The following SALL2 variants were observed in gnomAD, a reference collection of about 807,000 sequenced individuals.
SALL2 encodes sal-like protein 2.
A neutral mutation model predicts 58.5 loss-of-function variants in SALL2; 32 were observed. That is an observed-to-expected ratio of 0.55 (90% CI 0.41 to 0.74). The LOEUF is 0.74. SALL2 is among the 30% of genes least tolerant of loss of function. SALL2 has a pLI of 0.00. For synonymous variants in SALL2, 516 were observed against 513.6 expected (o/e 1.00, Z -0.06); for missense variants, 1,201 against 1,268.9 (o/e 0.95, Z 0.81).
In SALL2 at chr14:21,522,049, G is replaced by A. The variant is rs1235352452; in HGVS notation, c.*655C>T. ...ATGGGCTTCTCAGGCACTGCCTTGG[G>A]TGCAGGAGGCTGAAATAGGAGGGGG... On this transcript the variant is annotated 3_prime_UTR_variant, in exon 2 of 2. Coordinates refer to ENST00000537235, the MANE Select transcript of SALL2 (RefSeq NM_001364564.1). The A allele has an allele frequency of 6.3e-7, 1 of 1,596,748 alleles. No homozygotes were observed. Among genetic ancestry groups the A allele is most frequent in the African/African-American group, 1.3e-5 (1 of 75,014 alleles).
At chr14:21,534,589 TG>T (rs1892544793) in intron 1 of SALL2, among the ~76,000 whole-genome samples, 1 of 152,042 alleles carries the variant, frequency 6.6e-6, no homozygotes, top group Admixed American at 6.6e-5. Context: ...AGCTATGATA[TG>T]GGGAATGGGT....
In SALL2 at chr14:21,525,640, C is replaced by G; in HGVS notation, c.82G>C (p.Glu28Gln). 6.3e-7 allele frequency: 1 copy of G among 1,577,190 alleles called. No homozygotes were observed. Among genetic ancestry groups the G allele is most frequent in the Non-Finnish European group, 8.6e-7 (1 of 1,158,760 alleles). Reference sequence around the variant, plus strand: ...TTGGCACAGACTTGGGGGTGATCCTCCTCGCTAGCATCACCTGGGGAGAAG... The same window carrying G: ...TTGGCACAGACTTGGGGGTGATCCTGCTCGCTAGCATCACCTGGGGAGAAG... ...PAELGGDASE[E>Q]DHPQVCAKCC... Residue 28 changes from glutamate (E) to glutamine (Q), a missense_variant, in exon 2 of 2, where the codon GAG becomes CAG. By Grantham distance (29) the Glu-to-Gln change is conservative. Around this residue, in one of 3 missense-constraint regions of SALL2, gnomAD observed 467 missense variants for 468.9 expected, o/e 1.00. Transcript: ENST00000537235. The surrounding 1 kb of genome is among the most constrained non-coding windows in gnomAD (Gnocchi z 4.4).
rs776652005 is a variant in SALL2 at position 21,535,242 on chromosome 14, G to T, written c.-114+1720C>A. Among the ~76,000 whole-genome samples, 33 of 152,116 alleles carry T rather than the reference G, an allele frequency of 2.2e-4. 1 individual carries two copies. Among genetic ancestry groups the T allele is most frequent in the South Asian group, 1.9e-3 (9 of 4,820 alleles). On this transcript the variant is annotated intron_variant, in intron 1 of 1. Coordinates refer to the SALL2 transcript ENST00000541965. ...CGCCTATAGTTCCAGCTACTCGGGAGGCTGAGGCAGGAGAATGGCGTGAAC... is the reference window on the plus strand; with the variant it reads ...CGCCTATAGTTCCAGCTACTCGGGATGCTGAGGCAGGAGAATGGCGTGAAC...
rs1892176916 is a variant in SALL2 at position 21,524,176 on chromosome 14, C to T, written c.1546G>A (p.Glu516Lys). The T allele has an allele frequency of 6.2e-7, 1 of 1,612,190 alleles. No homozygotes were observed. Among genetic ancestry groups the T allele is most frequent in the Non-Finnish European group, 8.5e-7 (1 of 1,179,088 alleles). ...TTTTCATCAGCTTTATTCTTGGGTTCCACTGCTTTCATGAGCACAAACTTA... is the reference window on the plus strand; with the variant it reads ...TTTTCATCAGCTTTATTCTTGGGTTTCACTGCTTTCATGAGCACAAACTTA... ...FNKFVLMKAV[E>K]PKNKADENTP... is the part of the protein sequence containing the mutation. The change falls in exon 2 of 2, where the codon GAA becomes AAA. Residue 516 changes from glutamate to lysine, a missense_variant. Glu to Lys is a moderately conservative substitution (Grantham distance 56). This residue lies in a region of SALL2 where 675 missense variants were observed against 683.8 expected (regional missense o/e 0.99). Coordinates refer to ENST00000537235, the MANE Select transcript of SALL2 (RefSeq NM_001364564.1).
Position 21,525,939 on chromosome 14 carries a change from G to A in SALL2, c.67+122C>T. On this transcript the variant is annotated intron_variant, in intron 1 of 1. Coordinates refer to ENST00000537235, the MANE Select transcript of SALL2 (RefSeq NM_001364564.1). This position sits in a 1 kb window ranked among gnomAD's most constrained non-coding sequence, Gnocchi z 4.4. Reference sequence around the variant, plus strand: ...GGCCACAAGCGAGTTCACGGAATAGGTGTGGGGACAGGGGCCTACGCAGAG... The same window carrying A: ...GGCCACAAGCGAGTTCACGGAATAGATGTGGGGACAGGGGCCTACGCAGAG... The A allele has an allele frequency of 1.0e-6, 1 of 999,398 alleles. No individual in the cohort carries two copies. Among genetic ancestry groups the A allele is most frequent in the Non-Finnish European group, 1.5e-6 (1 of 664,594 alleles). The allele number at this position is 999,398 out of a possible 1,614,324, so 61.9% of individuals were successfully genotyped here.
upstream of SALL2, chr14:21,526,363 G>A: frequency 7.1e-7 from 1 of 1,404,534 alleles, no homozygotes; most frequent in East Asian, 2.7e-5. Context: ...AGCTGATGAG[G>A]AGGGGAGTTT....
rs1892076755 is a variant in SALL2 at position 21,522,461 on chromosome 14, G to C, written c.*243C>G. ...GCTGGAGAGGGTTCCCCTTGAGAAA[G>C]CTGCAGAGAATCTATGTTCCTCAGG... On this transcript the variant is annotated 3_prime_UTR_variant, in exon 2 of 2. Transcript: ENST00000537235. The C allele has an allele frequency of 6.4e-6, 9 of 1,401,710 alleles. No individual in the cohort carries two copies. In the South Asian group the frequency reaches 1.2e-4, roughly 19 times the overall value. The allele number at this position is 1,401,710 out of a possible 1,614,324, so 86.8% of individuals were successfully genotyped here.
upstream of SALL2, among the ~76,000 whole-genome samples, chr14:21,530,936 C>A (rs560628675): frequency 1.3e-5 from 2 of 152,336 alleles, no homozygotes; most frequent in African/African-American, 4.8e-5. Context: ...TGACACTGAA[C>A]AATGCTAATT....
In SALL2 at chr14:21,536,798, G is replaced by C. The variant is rs769178568; in HGVS notation, c.-114+164C>G. 9 of 1,521,706 alleles carry C rather than the reference G, an allele frequency of 5.9e-6. No individual in the cohort carries two copies. In the South Asian group the frequency reaches 1.0e-4, roughly 17 times the overall value. The allele number at this position is 1,521,706 out of a possible 1,614,324, so 94.3% of individuals were successfully genotyped here. On this transcript the variant is annotated intron_variant, in intron 1 of 1. Transcript: ENST00000541965. ...GAGTGCCCTCCCCTTGCCCTGGCCT[G>C]ACCCACACAGGCTTGGACTTAGGGG...
Position 21,523,287 on chromosome 14 carries a change from G to A in SALL2, c.2435C>T (p.Thr812Ile), listed in dbSNP as rs146143257. 3 of 1,613,644 alleles carry A rather than the reference G, an allele frequency of 1.9e-6. No individual in the cohort carries two copies. The highest frequency in any genetic ancestry group is 2.5e-6 in the Non-Finnish European group (3 of 1,180,018). Residue 812 changes from threonine (T) to isoleucine (I), a missense_variant, in exon 2 of 2, where the codon ACA becomes ATA. Coordinates refer to ENST00000537235, the MANE Select transcript of SALL2 (RefSeq NM_001364564.1). This position sits in a 1 kb window ranked among gnomAD's most constrained non-coding sequence, Gnocchi z 4.4. The stretch of plus-strand genomic sequence containing the variant: ...CCCAGCTGTGGCTGCTGCCGCCACT[G>A]TCCCCACCTCCTCCTCTGCCCCAGA... Reference protein sequence around the residue: ...EASGAEEEVGTVAAAATAGKE... With the variant: ...EASGAEEEVGIVAAAATAGKE...
upstream of SALL2, chr14:21,526,509 G>A: frequency 2.5e-6 from 3 of 1,182,324 alleles, 1 homozygote; most frequent in South Asian, 6.0e-5. Context: ...GTGAAGCACT[G>A]CGGGGGTCCA....
Position 21,525,362 on chromosome 14 carries a change from TGA to T in SALL2, c.358_359del (p.Ser120ArgfsTer79). The T allele has an allele frequency of 6.2e-7, 1 of 1,614,028 alleles. No individual in the cohort carries two copies. Among genetic ancestry groups the T allele is most frequent in the Non-Finnish European group, 8.5e-7 (1 of 1,179,960 alleles). On this transcript the variant is annotated frameshift_variant, in exon 2 of 2. Transcript: ENST00000537235. LOFTEE classifies it high-confidence loss of function. This position sits in a 1 kb window ranked among gnomAD's most constrained non-coding sequence, Gnocchi z 4.4. ...WGPERRGEESSGHFLVAATGT... is the reference protein window; with the variant it reads ...WGPERRGEESXGHFLVAATGT... ...CTGTGGCAGCGACCAGGAAATGCCC[TGA>T]AGACTCCTCTCCTCTCCTCTCTGGG...
At position 21,524,719 on chromosome 14, in the gene SALL2, G is replaced by A; in HGVS notation, c.1003C>T (p.Arg335Ter). 1.2e-6 allele frequency: 2 copies of A among 1,613,216 alleles called. No individual in the cohort carries two copies. The highest frequency in any genetic ancestry group is 1.7e-6 in the Non-Finnish European group (2 of 1,179,660). The stretch of plus-strand genomic sequence containing the variant: ...GGGGAGGCAGTGGCCTCAAGGCCTC[G>A]GGCTGCCCCAAGACACTGTGCTGCC... ...LLAAQCLGAARGLEATASPGL... is the reference protein window; with the variant it reads ...LLAAQCLGAA Residue 335 changes from arginine to a stop codon, truncating the protein, a stop_gained, in exon 2 of 2, where the codon CGA (arginine) becomes TGA (stop). Coordinates refer to ENST00000537235, the MANE Select transcript of SALL2 (RefSeq NM_001364564.1). LOFTEE classifies it high-confidence loss of function.
intron 1 of SALL2, chr14:21,536,730 C>T (rs1288728093): frequency 9.8e-6 from 7 of 712,572 alleles, no homozygotes; most frequent in Non-Finnish European, 1.7e-5. Flanking sequence ...CCTTCAAACC[C>T]CCAGTGACCA....
At position 21,526,210 on chromosome 14, in the gene SALL2, G is replaced by A. The variant is rs1293822268; in HGVS notation, c.-83C>T. 2.2e-5 allele frequency: 33 copies of A among 1,519,988 alleles called. No individual in the cohort carries two copies. Among genetic ancestry groups the A allele is most frequent in the Admixed American group, 4.0e-5 (2 of 50,246 alleles). 94.2% of individuals were successfully genotyped at this position (1,519,988 alleles called of 1,614,324 possible). ...GGGAGGCGATGGCCGCTGGGTCTGC[G>A]GCAGCCTCTGCACCCAGCGGCCCAG... is the stretch of plus-strand genomic sequence containing the variant. On this transcript the variant is annotated 5_prime_UTR_variant, in exon 1 of 2. Coordinates refer to ENST00000537235, the MANE Select transcript of SALL2 (RefSeq NM_001364564.1).
chr14:21,523,330 C>T lies in SALL2; in HGVS notation c.2392G>A (p.Gly798Ser). The T allele has an allele frequency of 6.2e-7, 1 of 1,613,748 alleles. No individual in the cohort carries two copies. The highest frequency in any genetic ancestry group is 1.7e-5 in the Admixed American group (1 of 60,032). Reference sequence around the variant, plus strand: ...GCCCCAGATGCCTCTTCTGAATCACCTCTCACTGATATTGCCTTCTCACCT... The same window carrying T: ...GCCCCAGATGCCTCTTCTGAATCACTTCTCACTGATATTGCCTTCTCACCT... ...SGGEKAISVR[G>S]DSEEASGAEE... Residue 798 changes from glycine to serine, a missense_variant, in exon 2 of 2, where the codon GGT becomes AGT. Gly to Ser is a moderately conservative substitution (Grantham distance 56). Around this residue, in one of 3 missense-constraint regions of SALL2, gnomAD observed 675 missense variants for 683.8 expected, o/e 0.99. Transcript: ENST00000537235. This position sits in a 1 kb window ranked among gnomAD's most constrained non-coding sequence, Gnocchi z 4.4.
intron 1 of SALL2, among the ~76,000 whole-genome samples, chr14:21,534,939 C>T (rs1220779170): frequency 4.6e-5 from 7 of 152,064 alleles, no homozygotes; most frequent in African/African-American, 9.7e-5. Flanking sequence ...GCACATGGAG[C>T]GCTGATTTGA....
rs148639100 is a variant in SALL2 at position 21,522,749 on chromosome 14, T to C, written c.2973A>G (p.Thr991=). The part of the protein sequence containing the change: ...VPGCSPSITS[T]GLSPFPRKDD... ...CTTTTCGGGGAAAGGGGGAGAGCCC[T>C]GTGGAGGTGATGGAAGGCGAACAGC... Residue 991 remains threonine, a synonymous_variant, in exon 2 of 2, where the codon ACA becomes ACG. Transcript: ENST00000537235. The C allele has an allele frequency of 1.3e-5, 20 of 1,555,912 alleles. No individual in the cohort carries two copies. The highest frequency in any genetic ancestry group is 1.7e-5 in the Non-Finnish European group (20 of 1,154,576).
At position 21,525,776 on chromosome 14, in the gene SALL2, G is replaced by T; in HGVS notation, c.68-122C>A. On this transcript the variant is annotated intron_variant, in intron 1 of 1. Coordinates refer to ENST00000537235, the MANE Select transcript of SALL2 (RefSeq NM_001364564.1). This position sits in a 1 kb window ranked among gnomAD's most constrained non-coding sequence, Gnocchi z 4.4. ...GGTGGGGAGATGAGCTCACCATCAG[G>T]GCCATGCAGAAGTCTAGAGCTCAGG... 1 of 1,108,132 alleles carries T rather than the reference G, an allele frequency of 9.0e-7. No homozygotes were observed. The allele number at this position is 1,108,132 out of a possible 1,614,324, so 68.6% of individuals were successfully genotyped here.
Sources: allele counts gnomAD v4.1 joint callset (sites outside exome capture counted in the v4.1 genomes callset), GRCh38; gene constraint gnomAD v4.1.1; regional missense constraint gnomAD v4.1.1; non-coding constraint Gnocchi (gnomAD v3.1); transcripts MANE v1.5; gene names NCBI Gene and HGNC (gene_info 2026-07-23, HGNC 2026-07-21).